PAPPA2: variants seen among roughly 807,000 people sequenced by gnomAD.
The protein encoded by PAPPA2 is pappalysin-2.
PAPPA2 carries 86 observed loss-of-function variants against 176.4 expected under a neutral mutation model. That is an observed-to-expected ratio of 0.49 (90% CI 0.41 to 0.58). The LOEUF (loss-of-function observed/expected upper bound fraction) is 0.58. PAPPA2 is among the 20% of genes least tolerant of loss of function. The probability of loss-of-function intolerance (pLI) is 0.00; values close to 1 mark genes in which losing one functional copy is unlikely to be tolerated. For missense variants in PAPPA2, 2,073 were observed against 2,256.9 expected, an observed-to-expected ratio of 0.92 and a Z score of 1.65; for synonymous variants, 809 against 852.2, an observed-to-expected ratio of 0.95 and a Z score of 0.88.
intron 1 of PAPPA2, among the ~76,000 whole-genome samples, chr1:176,497,471 G>T (rs2102502730): frequency 6.6e-6 from 1 of 152,262 alleles, no homozygotes; most frequent in African/African-American, 2.4e-5. Flanking sequence ...TGAGTCACTA[G>T]CTCTACATTT....
chr1:176,799,996 G>A, intron 20 of PAPPA2, 65 bp from the exon 21 acceptor site: 1 of 1,532,388 alleles, frequency 6.5e-7, no homozygotes, highest in Non-Finnish European at 9.0e-7. Context: ...CTCAGGATTT[G>A]CCCCTTCTCA....
At chr1:176,614,884 C>T (rs531728970) in intron 3 of PAPPA2, among the ~76,000 whole-genome samples, 2 of 152,054 alleles carry the variant, frequency 1.3e-5, no homozygotes, top group East Asian at 1.9e-4. Flanking sequence ...TTACACAGCT[C>T]GAAAGGCATG....
At chr1:176,675,289 A>G (rs562615537) in intron 4 of PAPPA2, among the ~76,000 whole-genome samples, 1 of 152,246 alleles carries the variant, frequency 6.6e-6, no homozygotes, top group East Asian at 1.9e-4. Flanking sequence ...ATAAAGAAAT[A>G]TCAACTATTT....
chr1:176,811,010 T>A (rs2102962279), intron 21 of PAPPA2, among the ~76,000 whole-genome samples: 1 of 152,316 alleles, frequency 6.6e-6, no homozygotes, highest in South Asian at 2.1e-4. Flanking sequence ...CTGTAAGACT[T>A]CTATTATTAC....
At chr1:176,509,855 C>A (rs1398209514) in intron 1 of PAPPA2, among the ~76,000 whole-genome samples, 1 of 143,188 alleles carries the variant, frequency 7.0e-6, no homozygotes, top group Non-Finnish European at 1.5e-5. Context: ...ACAAAACAAA[C>A]AAACAAAAAA....
At chr1:176,755,783 C>T (rs1040626360) in intron 14 of PAPPA2, among the ~76,000 whole-genome samples, 3 of 152,096 alleles carry the variant, frequency 2.0e-5, no homozygotes, top group African/African-American at 7.2e-5. Context: ...AATTTTTGAC[C>T]TCCCCAAAAT....
chr1:176,515,036 T>G lies in PAPPA2; in HGVS notation c.-916-40371T>G, dbSNP rs182310593. 6.0e-4 allele frequency among the ~76,000 whole-genome samples: 92 copies of G among 152,316 alleles called. 2 individuals are homozygous for G. The highest frequency in any genetic ancestry group is 2.7e-3 in the East Asian group (14 of 5,182). Reference sequence around the variant, plus strand: ...TTGCTGCTAATCTTGCTTTGTTAGTTGTATATTAATGGGCAAGATATTCAC... The same window carrying G: ...TTGCTGCTAATCTTGCTTTGTTAGTGGTATATTAATGGGCAAGATATTCAC... On this transcript the variant is annotated intron_variant, in intron 1 of 22. Coordinates refer to ENST00000367662, the MANE Select transcript of PAPPA2 (RefSeq NM_020318.3).
chr1:176,504,826 A>G lies in PAPPA2; in HGVS notation c.-917+41408A>G, dbSNP rs530246989. On this transcript the variant is annotated intron_variant, in intron 1 of 22. Transcript: ENST00000367662. Reference sequence around the variant, plus strand: ...TTTTCCATATCTCTTTTCCTCTACCATAGAACTGTTTATGTCTCAGATGGG... The same window carrying G: ...TTTTCCATATCTCTTTTCCTCTACCGTAGAACTGTTTATGTCTCAGATGGG... Among the ~76,000 whole-genome samples, 3 of 152,298 alleles carry G rather than the reference A, an allele frequency of 2.0e-5. No individual in the cohort carries two copies. The East Asian group carries it at 5.8e-4, about 29-fold the overall frequency.
At chr1:176,574,742 A>G (rs554380443) in intron 2 of PAPPA2, among the ~76,000 whole-genome samples, 6 of 152,360 alleles carry the variant, frequency 3.9e-5, no homozygotes, top group Non-Finnish European at 7.3e-5. Flanking sequence ...GATGCTTTGC[A>G]TAATGATGTG....
chr1:176,477,714 C>T (rs1479171753), intron 1 of PAPPA2, among the ~76,000 whole-genome samples: 2 of 151,992 alleles, frequency 1.3e-5, no homozygotes, highest in Non-Finnish European at 2.9e-5. Flanking sequence ...CACTGCACTC[C>T]AGCCTGGGTG....
intron 2 of PAPPA2, among the ~76,000 whole-genome samples, chr1:176,576,788 C>G (rs1213980557): frequency 6.6e-6 from 1 of 152,162 alleles, no homozygotes; most frequent in Non-Finnish European, 1.5e-5. Context: ...CTGGGTTGTT[C>G]ATATCCACAG....
At chr1:176,800,002 T>A in intron 20 of PAPPA2, 59 bp from the exon 21 acceptor site, 1 of 1,580,226 alleles carries the variant, frequency 6.3e-7, no homozygotes, top group Non-Finnish European at 8.7e-7. Flanking sequence ...ATTTGCCCCT[T>A]CTCACACACA....
rs927929097 is a variant in PAPPA2 at position 176,711,936 on chromosome 1, A to G, written c.3753A>G (p.Glu1251=). ...ATGAAACTCAGGATGACAGGAGTGA[A>G]CAGCCAGAAGGTAGCCTGAAGAAAG... is the stretch of plus-strand genomic sequence containing the variant. ...SENETQDDRS[E]QPEGSLKKED... Residue 1251 remains glutamate (E), a synonymous_variant, in exon 12 of 23, where the codon GAA becomes GAG. Transcript: ENST00000367662. 2 of 1,613,758 alleles carry G rather than the reference A, an allele frequency of 1.2e-6. No individual in the cohort carries two copies. Among genetic ancestry groups the G allele is most frequent in the Middle Eastern group, 1.6e-4 (1 of 6,082 alleles).
chr1:176,811,509 G>A (rs1056092265), intron 21 of PAPPA2, among the ~76,000 whole-genome samples: 1 of 152,116 alleles, frequency 6.6e-6, no homozygotes, highest in African/African-American at 2.4e-5. Flanking sequence ...AATTAGGGTA[G>A]GGATAATAAT....
At chr1:176,680,241 A>G (rs998502435) in intron 4 of PAPPA2, among the ~76,000 whole-genome samples, 26 of 152,222 alleles carry the variant, frequency 1.7e-4, no homozygotes, top group South Asian at 6.2e-4. Flanking sequence ...CTTCAGTAAC[A>G]TTATGGAAGT....
chr1:176,606,297 A>G (rs564079535), intron 3 of PAPPA2, among the ~76,000 whole-genome samples: 2 of 152,336 alleles, frequency 1.3e-5, no homozygotes, highest in South Asian at 4.1e-4. Context: ...TTGTGTGTTA[A>G]GTATAAGTCT....
chr1:176,704,790 A>G (rs1660807790), intron 9 of PAPPA2, among the ~76,000 whole-genome samples: 1 of 152,206 alleles, frequency 6.6e-6, no homozygotes, highest in South Asian at 2.1e-4. Context: ...TCAAAGACTT[A>G]GTATACAAAA....
At chr1:176,600,601 G>A (rs1279815321) in intron 3 of PAPPA2, among the ~76,000 whole-genome samples, 5 of 150,180 alleles carry the variant, frequency 3.3e-5, no homozygotes, top group Non-Finnish European at 7.4e-5. Flanking sequence ...GCGTGAACCC[G>A]GGAGGCGGAG....
rs1667528799 is a variant in PAPPA2 at position 176,842,594 on chromosome 1, A to T, written c.*140A>T. On this transcript the variant is annotated 3_prime_UTR_variant, in exon 23 of 23. Coordinates refer to ENST00000367662, the MANE Select transcript of PAPPA2 (RefSeq NM_020318.3). ...AAGAGCATGAAGGATCTTATAAGAAATGCAAGAGGATATTGATAGGTGTGA... is the reference window on the plus strand; with the variant it reads ...AAGAGCATGAAGGATCTTATAAGAATTGCAAGAGGATATTGATAGGTGTGA... 2 of 780,758 alleles carry T rather than the reference A, an allele frequency of 2.6e-6. No homozygotes were observed. Among genetic ancestry groups the T allele is most frequent in the Admixed American group, 5.0e-5 (2 of 40,122 alleles). 48.4% of individuals were successfully genotyped at this position (780,758 alleles called of 1,614,324 possible). A position where few individuals can be genotyped will look rare whatever the true frequency, so the allele number is the denominator to read the frequency against.
Sources: allele counts gnomAD v4.1 joint callset (sites outside exome capture counted in the v4.1 genomes callset), GRCh38; gene constraint gnomAD v4.1.1; transcripts MANE v1.5; gene names NCBI Gene and HGNC (gene_info 2026-07-23, HGNC 2026-07-21).